The following INPP4B variants were observed in gnomAD, a reference collection of about 807,000 sequenced individuals.
INPP4B encodes inositol polyphosphate-4-phosphatase type II B, also known as inositol polyphosphate 4-phosphatase type II.
A neutral mutation model predicts 122.5 loss-of-function variants in INPP4B; 55 were observed. The observed-to-expected ratio is 0.45, with a 90% CI of 0.36 to 0.56. The LOEUF is 0.56. INPP4B is among the 20% of genes least tolerant of loss of function. The pLI, the probability that INPP4B is intolerant of heterozygous loss-of-function variation, is 0.00. For synonymous variants in INPP4B, 403 were observed against 388.7 expected (o/e 1.04, Z -0.43); for missense variants, 1,000 against 1,097.7 (o/e 0.91, Z 1.26).
chr4:142,384,051 T>C, intron 7 of INPP4B: 1 of 701,516 alleles, frequency 1.4e-6, no homozygotes, highest in Non-Finnish European at 2.6e-6. Context: ...GCAAGTTGTC[T>C]CAAGTTGTCT....
At chr4:142,152,294 C>A (rs935777638) in intron 17 of INPP4B, among the ~76,000 whole-genome samples, 7 of 151,830 alleles carry the variant, frequency 4.6e-5, no homozygotes, top group Non-Finnish European at 7.4e-5. Flanking sequence ...CCAGGATGGT[C>A]TCGATCTCCT....
intron 5 of INPP4B, among the ~76,000 whole-genome samples, chr4:142,416,685 G>C (rs940376259): frequency 1.3e-5 from 2 of 152,046 alleles, no homozygotes; most frequent in African/African-American, 4.8e-5. Context: ...ATCATCCTTT[G>C]GGCAAGAACC....
chr4:142,122,417 T>C (rs1323136492), intron 20 of INPP4B, among the ~76,000 whole-genome samples, 172 bp from the exon 21 acceptor site: 1 of 152,122 alleles, frequency 6.6e-6, no homozygotes, highest in African/African-American at 2.4e-5. Flanking sequence ...CTTAGTGAAA[T>C]GAGAACCATT....
intron 2 of INPP4B, among the ~76,000 whole-genome samples, chr4:142,606,855 A>G (rs946014573): frequency 1.3e-5 from 2 of 152,064 alleles, no homozygotes; most frequent in Non-Finnish European, 2.9e-5. Context: ...GCATTTGAAA[A>G]TCAAAGGCAA....
intron 12 of INPP4B, among the ~76,000 whole-genome samples, chr4:142,232,003 A>T (rs1854587844): frequency 6.6e-6 from 1 of 152,142 alleles, no homozygotes. Flanking sequence ...GCTACAATTA[A>T]TCATGCAAAT....
At chr4:142,031,440 T>C (rs760698159) in intron 25 of INPP4B, among the ~76,000 whole-genome samples, 1 of 152,206 alleles carries the variant, frequency 6.6e-6, no homozygotes, top group Non-Finnish European at 1.5e-5. Flanking sequence ...TACATAAATA[T>C]CATAATTATT....
intron 3 of INPP4B, among the ~76,000 whole-genome samples, chr4:142,450,441 C>T (rs1813881568): frequency 6.6e-6 from 1 of 152,068 alleles, no homozygotes; most frequent in South Asian, 2.1e-4. Flanking sequence ...AGGAGGGAGA[C>T]CAGAGATAGA....
At chr4:142,093,808 C>A (rs1173723854) in intron 23 of INPP4B, among the ~76,000 whole-genome samples, 3 of 152,106 alleles carry the variant, frequency 2.0e-5, no homozygotes, top group African/African-American at 7.2e-5. Context: ...AGATCCCATC[C>A]TGGTCTGCGT....
At chr4:142,343,562 T>A (rs1779352140) in intron 7 of INPP4B, among the ~76,000 whole-genome samples, 1 of 151,952 alleles carries the variant, frequency 6.6e-6, no homozygotes, top group Non-Finnish European at 1.5e-5. Context: ...GAATTGCAAT[T>A]TTGCCTGTTT....
At chr4:142,448,973 G>A (rs1378784760) in intron 3 of INPP4B, among the ~76,000 whole-genome samples, 1 of 152,144 alleles carries the variant, frequency 6.6e-6, no homozygotes, top group African/African-American at 2.4e-5. Flanking sequence ...TTCCCGTCAG[G>A]GCAATGGATG....
intron 2 of INPP4B, among the ~76,000 whole-genome samples, chr4:142,613,866 T>A (rs1179787711): frequency 2.0e-5 from 3 of 152,156 alleles, no homozygotes; most frequent in Non-Finnish European, 4.4e-5. Context: ...TATTTGCAAA[T>A]GGTAAGTCCT....
intron 12 of INPP4B, among the ~76,000 whole-genome samples, chr4:142,222,293 C>T (rs1849694946): frequency 6.6e-6 from 1 of 152,200 alleles, no homozygotes; most frequent in Non-Finnish European, 1.5e-5. Context: ...ATGAATTATA[C>T]TTATCTATTC....
At position 142,536,319 on chromosome 4, in the gene INPP4B, G is replaced by A. The variant is rs527821331; in HGVS notation, c.-190-73593C>T. Among the ~76,000 whole-genome samples the A allele has an allele frequency of 2.1e-4, 32 of 152,048 alleles. No individual in the cohort carries two copies. In the South Asian group the frequency reaches 5.0e-3, roughly 24 times the overall value. ...TTTTCTCTGTGTGCCTTGATAATTA[G>A]CTGCTCTCCATTTCTCCATTCTCTG... On this transcript the variant is annotated intron_variant, in intron 2 of 25. Transcript: ENST00000262992.
At chr4:142,033,668 A>ATT (rs5862564) in intron 25 of INPP4B, among the ~76,000 whole-genome samples, 16,215 of 129,414 alleles carry the variant, frequency 0.13, 1,788 homozygotes, top group African/African-American at 0.24. Flanking sequence ...TCTCCATTTC[A>ATT]TTTTTTTTTT....
At chr4:142,749,517 C>T (rs572380360) in intron 1 of INPP4B, among the ~76,000 whole-genome samples, 70 of 151,062 alleles carry the variant, frequency 4.6e-4, no homozygotes, top group African/African-American at 1.6e-3. Flanking sequence ...ATGTAGCCAT[C>T]GTTTTAAGAA....
At chr4:142,460,819 A>G (rs1399553832) in intron 3 of INPP4B, among the ~76,000 whole-genome samples, 2 of 149,436 alleles carry the variant, frequency 1.3e-5, no homozygotes, top group East Asian at 1.9e-4. Context: ...CAAAATAAGC[A>G]TAAGTCAACT....
intron 2 of INPP4B, among the ~76,000 whole-genome samples, chr4:142,485,905 A>G (rs1208016514): frequency 6.6e-6 from 1 of 152,118 alleles, no homozygotes; most frequent in Non-Finnish European, 1.5e-5. Context: ...CTTTACACAC[A>G]TGTAAACAAT....
At chr4:142,187,500 ATGTGTGTGTGTC>A (rs1017157992) in intron 15 of INPP4B, among the ~76,000 whole-genome samples, 9 of 151,978 alleles carry the variant, frequency 5.9e-5, no homozygotes, top group African/African-American at 1.4e-4. Flanking sequence ...TATTATGTGT[ATGTGTGTGTGTC>A]TGTGTGTGTA....
chr4:142,183,470 AT>A (rs1306548910), intron 15 of INPP4B, among the ~76,000 whole-genome samples: 1 of 152,286 alleles, frequency 6.6e-6, no homozygotes, highest in East Asian at 1.9e-4. Context: ...CCATATGTAC[AT>A]TTTTTTAAAG....
Sources: allele counts gnomAD v4.1 joint callset (sites outside exome capture counted in the v4.1 genomes callset), GRCh38; gene constraint gnomAD v4.1.1; transcripts MANE v1.5; gene names NCBI Gene and HGNC (gene_info 2026-07-23, HGNC 2026-07-21).